The following MACROH2A1 variants were observed in gnomAD, a reference collection of about 807,000 sequenced individuals.
MACROH2A1 encodes the protein core histone macro-H2A.1.
Under a neutral mutation model 31.6 loss-of-function variants are expected in MACROH2A1, and 2 were observed. That is an observed-to-expected ratio of 0.06 (90% CI 0.03 to 0.20). MACROH2A1 has a LOEUF of 0.20. Among genes scored for constraint, MACROH2A1 ranks in the 10% least tolerant of loss-of-function variants. MACROH2A1 has a pLI of 1.00. For synonymous variants in MACROH2A1, 169 were observed against 189.6 expected (o/e 0.89, Z 0.89); for missense variants, 230 against 474.0 (o/e 0.49, Z 4.78).
intron 2 of MACROH2A1, among the ~76,000 whole-genome samples, chr5:135,383,778 G>C (rs893795495): frequency 6.6e-6 from 1 of 150,950 alleles, no homozygotes; most frequent in African/African-American, 2.4e-5. Flanking sequence ...TGAGGGAAGG[G>C]CTTTGCAGAA....
chr5:135,360,263 C>T (rs905592287), intron 5 of MACROH2A1: 3 of 565,520 alleles, frequency 5.3e-6, no homozygotes, highest in African/African-American at 3.8e-5. Flanking sequence ...AGCTGCCTGC[C>T]CTCTTCTTTT....
At chr5:135,375,346 A>G (rs936755997) in intron 2 of MACROH2A1, among the ~76,000 whole-genome samples, 4 of 152,156 alleles carry the variant, frequency 2.6e-5, no homozygotes, top group Non-Finnish European at 4.4e-5. Context: ...AAATTCCCAC[A>G]TCCTTGGATA....
At chr5:135,397,231 GCTT>G (rs916605103) in intron 1 of MACROH2A1, among the ~76,000 whole-genome samples, 1 of 152,130 alleles carries the variant, frequency 6.6e-6, no homozygotes, top group Non-Finnish European at 1.5e-5. Flanking sequence ...TGCCCTCTGA[GCTT>G]CTCAGTGGGG....
intron 2 of MACROH2A1, among the ~76,000 whole-genome samples, chr5:135,385,022 A>G (rs1766202261): frequency 6.6e-6 from 1 of 152,228 alleles, no homozygotes; most frequent in South Asian, 2.1e-4. Context: ...ACTGCAGCTC[A>G]GCAGTCCTCT....
chr5:135,387,341 C>T (rs993688316), intron 2 of MACROH2A1, among the ~76,000 whole-genome samples: 1 of 152,210 alleles, frequency 6.6e-6, no homozygotes, highest in Non-Finnish European at 1.5e-5. Context: ...AACACTATTA[C>T]TTTTCATGCC....
At chr5:135,374,801 G>A (rs898701288) in intron 2 of MACROH2A1, among the ~76,000 whole-genome samples, 7 of 152,174 alleles carry the variant, frequency 4.6e-5, no homozygotes, top group Admixed American at 2.6e-4. Flanking sequence ...CTCTCTTGAA[G>A]GAAATTTTCA....
At chr5:135,383,686 GTGTGA>G (rs1388393843) in intron 2 of MACROH2A1, among the ~76,000 whole-genome samples, 6 of 146,078 alleles carry the variant, frequency 4.1e-5, no homozygotes, top group Middle Eastern at 3.5e-3. Flanking sequence ...TCCCTTTCCT[GTGTGA>G]TGTGGTGTGG....
At chr5:135,360,257 G>A (rs1762663194) in intron 5 of MACROH2A1, 1 of 556,114 alleles carries the variant, frequency 1.8e-6, no homozygotes, top group Non-Finnish European at 3.2e-6. Context: ...CACAGGAGCT[G>A]CCTGCCCTCT....
At chr5:135,351,271 G>T in intron 6 of MACROH2A1, 1 of 158,528 alleles carries the variant, frequency 6.3e-6, no homozygotes, top group Non-Finnish European at 1.4e-5. Flanking sequence ...CATGGCATCT[G>T]TTTAAAAAAA....
rs756769578 is a variant in MACROH2A1, at chr5:135,388,905, G to A, written c.172+17C>T. 2.5e-6 allele frequency: 4 copies of A among 1,575,026 alleles called. No homozygotes were observed. The highest frequency in any genetic ancestry group is 2.7e-5 in the African/African-American group (2 of 74,222). ...ATCTTAAGCCAGTGGTGTCTGGGTT[G>A]ACTGAGGTACACTCACCTGTCAGGT... On this transcript the variant is annotated intron_variant, in intron 2 of 8. Coordinates refer to ENST00000511689, the MANE Select transcript of MACROH2A1 (RefSeq NM_138610.3).
intron 2 of MACROH2A1, among the ~76,000 whole-genome samples, chr5:135,381,683 T>C (rs1248072651): frequency 6.6e-6 from 1 of 152,132 alleles, no homozygotes; most frequent in Non-Finnish European, 1.5e-5. Flanking sequence ...ATGACTGAAA[T>C]TTAAAATTCA....
At chr5:135,364,425 T>TA (rs199709714) in intron 4 of MACROH2A1, among the ~76,000 whole-genome samples, 2,058 of 149,520 alleles carry the variant, frequency 0.014, 47 homozygotes, top group African/African-American at 0.047. Context: ...TAAAGTATAA[T>TA]AAAAAAAAAT....
At chr5:135,351,196 T>A in intron 6 of MACROH2A1, 1 of 262,170 alleles carries the variant, frequency 3.8e-6, no homozygotes, top group Non-Finnish European at 7.2e-6. Flanking sequence ...AGAAATAAAA[T>A]GAATGCCCCG....
chr5:135,380,878 A>G (rs1259007821), intron 2 of MACROH2A1, among the ~76,000 whole-genome samples: 1 of 152,262 alleles, frequency 6.6e-6, no homozygotes, highest in Non-Finnish European at 1.5e-5. Flanking sequence ...CTGAAAATGC[A>G]AAAGAGCCCA....
intron 2 of MACROH2A1, among the ~76,000 whole-genome samples, chr5:135,375,774 A>G (rs1014499986): frequency 1.3e-5 from 2 of 152,080 alleles, no homozygotes; most frequent in African/African-American, 2.4e-5. Flanking sequence ...TGTTTGCTAC[A>G]AGGCCAACAA....
intron 6 of MACROH2A1, among the ~76,000 whole-genome samples, chr5:135,349,160 G>C (rs1407408276): frequency 1.3e-5 from 2 of 152,162 alleles, no homozygotes; most frequent in Non-Finnish European, 2.9e-5. Flanking sequence ...CTGGACCTGG[G>C]TAAGATACTT....
intron 8 of MACROH2A1, among the ~76,000 whole-genome samples, chr5:135,341,445 CGGCGGGT>C (rs919408831): frequency 1.5e-4 from 23 of 152,222 alleles, no homozygotes; most frequent in Non-Finnish European, 2.9e-4. Flanking sequence ...GTGGGGGTGG[CGGCGGGT>C]GGCGGGCAGT....
At position 135,360,540 on chromosome 5, in the gene MACROH2A1, C is replaced by CCGT. The variant is rs1176298925; in HGVS notation, c.542_544dup (p.Asp181dup). The CCGT allele has an allele frequency of 6.2e-7, 1 of 1,614,014 alleles. No homozygotes were observed. Among genetic ancestry groups the CCGT allele is most frequent in the East Asian group, 2.2e-5 (1 of 44,878 alleles). On this transcript the variant is annotated inframe_insertion, in exon 5 of 9. Coordinates refer to ENST00000511689, the MANE Select transcript of MACROH2A1 (RefSeq NM_138610.3). The stretch of plus-strand genomic sequence containing the variant: ...GCTCTTGGTGGAGAGGACTGTGAAG[C>CCGT]CGTCGGCAGGTGTGCCCTCGGTTGT...
intron 7 of MACROH2A1, 107 bp from the exon 8 acceptor site, chr5:135,343,541 T>G: frequency 1.3e-6 from 2 of 1,504,750 alleles, no homozygotes; most frequent in Non-Finnish European, 1.8e-6. Context: ...TCCTGGGCCC[T>G]CCAATGCCCT....
Sources: gnomAD v4.1 joint callset for allele counts (sites outside exome capture counted in the v4.1 genomes callset) on GRCh38, gnomAD v4.1.1 for gene constraint, MANE v1.5 for transcripts, NCBI Gene and HGNC (gene_info 2026-07-23, HGNC 2026-07-21) for gene names.